Variants in RECK observed in about 807,000 individuals in gnomAD.
RECK encodes the protein reversion-inducing cysteine-rich protein with Kazal motifs.
In RECK, 69 loss-of-function variants were observed where a neutral mutation model predicts 115.1. That is an observed-to-expected ratio of 0.60 (90% CI 0.49 to 0.73). The LOEUF (loss-of-function observed/expected upper bound fraction) is 0.73. RECK is among the 30% of genes least tolerant of loss of function. RECK has a pLI of 0.00. For missense variants in RECK, 1,047 were observed against 1,203.7 expected, an observed-to-expected ratio of 0.87 and a Z score of 1.93; for synonymous variants, 414 against 419.7, an observed-to-expected ratio of 0.99 and a Z score of 0.17.
chr9:36,098,077 A>T (rs527562680), intron 10 of RECK, among the ~76,000 whole-genome samples: 1 of 152,238 alleles, frequency 6.6e-6, no homozygotes, highest in East Asian at 1.9e-4. Context: ...AGGGGAGAGG[A>T]TTGGGAAAAT....
chr9:36,047,447 A>G (rs575347043), intron 1 of RECK, among the ~76,000 whole-genome samples: 1 of 152,204 alleles, frequency 6.6e-6, no homozygotes, highest in East Asian at 1.9e-4. Context: ...CATCTCTACT[A>G]AAAATACAAT....
rs977116441 is a variant in RECK, at chr9:36,036,953, A to T, written c.-46A>T. On this transcript the variant is annotated 5_prime_UTR_variant, in exon 1 of 21. In the 5' UTR this introduces an upstream ATG that the reference lacks. Coordinates refer to ENST00000377966, the MANE Select transcript of RECK (RefSeq NM_021111.3). ...GTAGCGGCGGCAGCGGCTGCGGCCA[A>T]GCTGGGTCCGAGCATCCCGCGGCTC... 1 of 1,297,462 alleles carries T rather than the reference A, an allele frequency of 7.7e-7. No homozygotes were observed. Among genetic ancestry groups the T allele is most frequent in the Non-Finnish European group, 1.0e-6 (1 of 1,003,218 alleles). 80.4% of individuals were successfully genotyped at this position (1,297,462 alleles called of 1,614,324 possible). A position where few individuals can be genotyped will look rare whatever the true frequency, so the allele number is the denominator to read the frequency against.
At chr9:36,074,054 C>T (rs909976803) in intron 6 of RECK, among the ~76,000 whole-genome samples, 3 of 152,126 alleles carry the variant, frequency 2.0e-5, no homozygotes, top group Non-Finnish European at 4.4e-5. Flanking sequence ...AAAGCTGGTT[C>T]CAGAACATCA....
intron 1 of RECK, among the ~76,000 whole-genome samples, chr9:36,045,234 C>A (rs542404089): frequency 6.6e-6 from 1 of 151,942 alleles, no homozygotes; most frequent in African/African-American, 2.4e-5. Context: ...GATATACCCA[C>A]GTGTATATTT....
Position 36,084,433 on chromosome 9 carries a change from G to A in RECK, c.637+871G>A, listed in dbSNP as rs1205679563. Reference sequence around the variant, plus strand: ...AAAAAGGCCAGGCACGGTGGCTCACGCCTGTAATCCCAGCACTTTGGGAGG... The same window carrying A: ...AAAAAGGCCAGGCACGGTGGCTCACACCTGTAATCCCAGCACTTTGGGAGG... On this transcript the variant is annotated intron_variant, in intron 8 of 20. Coordinates refer to ENST00000377966, the MANE Select transcript of RECK (RefSeq NM_021111.3). Among the ~76,000 whole-genome samples, 5 of 152,012 alleles carry A rather than the reference G, an allele frequency of 3.3e-5. No homozygotes were observed. The East Asian group carries it at 5.8e-4, about 18-fold the overall frequency.
At chr9:36,064,220 G>A (rs1821900838) in intron 5 of RECK, among the ~76,000 whole-genome samples, 1 of 152,158 alleles carries the variant, frequency 6.6e-6, no homozygotes, top group Non-Finnish European at 1.5e-5. Flanking sequence ...GCTTGGATGA[G>A]AACATTTGAC....
At chr9:36,103,724 C>A (rs1263311942) in intron 12 of RECK, among the ~76,000 whole-genome samples, 1 of 152,202 alleles carries the variant, frequency 6.6e-6, no homozygotes, top group East Asian at 1.9e-4. Context: ...TGTCCCTTAA[C>A]CTTTGTGACC....
In RECK at chr9:36,080,157, G is replaced by T. The variant is rs376334635; in HGVS notation, c.406-448G>T. Among the ~76,000 whole-genome samples, 25 of 152,308 alleles carry T rather than the reference G, an allele frequency of 1.6e-4. 1 individual carries two copies. The South Asian group carries it at 5.2e-3, about 32-fold the overall frequency. ...AGGGTAAGGTCTAGGAAACTCAGAT[G>T]ATTCCAGTGTACAGCCATGTTTGAG... On this transcript the variant is annotated intron_variant, in intron 6 of 20. Transcript: ENST00000377966.
chr9:36,064,630 C>CTATA (rs1821916239), intron 5 of RECK, among the ~76,000 whole-genome samples: 1 of 152,188 alleles, frequency 6.6e-6, no homozygotes, highest in African/African-American at 2.4e-5. Context: ...GACGACTATC[C>CTATA]TATAGCCTGA....
intron 6 of RECK, among the ~76,000 whole-genome samples, chr9:36,075,745 G>A (rs1047902748): frequency 2.6e-5 from 4 of 152,120 alleles, no homozygotes; most frequent in African/African-American, 4.8e-5. Flanking sequence ...TTTATTTATT[G>A]AGGCCTTAGA....
chr9:36,063,836 T>C lies in RECK; in HGVS notation c.313T>C (p.Cys105Arg). 1 of 1,614,130 alleles carries C rather than the reference T, an allele frequency of 6.2e-7. No individual in the cohort carries two copies. ...TGATGGCTGGGTTGGCTTAGGCTGC[T>C]GTGAACTGGCTATTGCCTTGGAGTG... ...KSDGWVGLGC[C>R]ELAIALECRQ... is the part of the protein sequence containing the mutation. Residue 105 changes from cysteine (C) to arginine (R), a missense_variant, in exon 5 of 21, where the codon TGT (cysteine) becomes CGT (arginine). By Grantham distance (180) the Cys-to-Arg change is radical (BLOSUM62 -3). Transcript: ENST00000377966.
chr9:36,102,862 A>T (rs772286819), intron 12 of RECK, among the ~76,000 whole-genome samples: 1 of 151,330 alleles, frequency 6.6e-6, no homozygotes, highest in Non-Finnish European at 1.5e-5. Flanking sequence ...AGGCCGAGGC[A>T]GGAGAATGGC....
At chr9:36,110,672 T>G (rs1000183889) in intron 15 of RECK, among the ~76,000 whole-genome samples, 1 of 152,230 alleles carries the variant, frequency 6.6e-6, no homozygotes, top group African/African-American at 2.4e-5. Context: ...ATCTGCTTTT[T>G]CCTAGATCTA....
At chr9:36,074,240 A>G (rs537974701) in intron 6 of RECK, among the ~76,000 whole-genome samples, 2 of 152,280 alleles carry the variant, frequency 1.3e-5, no homozygotes, top group Non-Finnish European at 2.9e-5. Flanking sequence ...CTATGTTTAC[A>G]TGTCTCTTTT....
chr9:36,121,505 TCAGGTAA>T, intron 19 of RECK, 21 bp from the exon 20 acceptor site: 1 of 1,602,244 alleles, frequency 6.2e-7, no homozygotes, highest in Admixed American at 1.7e-5. Flanking sequence ...CTTCTTTTTT[TCAGGTAA>T]TACATGTTTT....
intron 11 of RECK, 136 bp from the exon 12 acceptor site, chr9:36,101,958 G>A (rs977429846): frequency 1.2e-6 from 1 of 808,762 alleles, no homozygotes; most frequent in Non-Finnish European, 1.9e-6. Context: ...GAGCTCTCCT[G>A]TGACTCTTGT....
At chr9:36,083,299 T>G in intron 7 of RECK, 66 bp from the exon 8 acceptor site, 1 of 1,456,908 alleles carries the variant, frequency 6.9e-7, no homozygotes. Flanking sequence ...TCCATCATTA[T>G]GATGATGATT....
intron 13 of RECK, among the ~76,000 whole-genome samples, chr9:36,105,554 A>G (rs2132657883): frequency 6.6e-6 from 1 of 152,356 alleles, no homozygotes. Flanking sequence ...ATAACAGTCT[A>G]AAACTTGACT....
rs190786695 is a variant in RECK, at chr9:36,065,146, A to C, written c.358-431A>C. Among the ~76,000 whole-genome samples, 19 of 150,318 alleles carry C rather than the reference A, an allele frequency of 1.3e-4. No homozygotes were observed. The East Asian group carries it at 3.8e-3, about 30-fold the overall frequency. ...AGCAAGTTCAGAATGAAAGTTTAGA[A>C]TGTGAAGAGTTAAAGAAAAAGCAAA... is the stretch of plus-strand genomic sequence containing the variant. On this transcript the variant is annotated intron_variant, in intron 5 of 20. Coordinates refer to ENST00000377966, the MANE Select transcript of RECK (RefSeq NM_021111.3).
Sources: gnomAD v4.1 joint callset for allele counts (sites outside exome capture counted in the v4.1 genomes callset) on GRCh38, gnomAD v4.1.1 for gene constraint, MANE v1.5 for transcripts, NCBI Gene and HGNC (gene_info 2026-07-23, HGNC 2026-07-21) for gene names.